ROBO2: variants seen among roughly 807,000 people sequenced by gnomAD.
ROBO2 encodes the protein roundabout homolog 2.
In ROBO2, 53 loss-of-function variants were observed where a neutral mutation model predicts 160.8. The ratio of observed to expected loss-of-function variants is 0.33; its 90% CI spans 0.26 to 0.41. The LOEUF (loss-of-function observed/expected upper bound fraction) is 0.41, where lower values mean the gene tolerates loss of function less well. Among genes scored for constraint, ROBO2 ranks in the 10% least tolerant of loss-of-function variants. The pLI, the probability that ROBO2 is intolerant of heterozygous loss-of-function variation, is 1.00. For synonymous variants in ROBO2, 664 were observed against 611.7 expected, an observed-to-expected ratio of 1.09 and a Z score of -1.26; for missense variants, 1,577 against 1,722.4, an observed-to-expected ratio of 0.92 and a Z score of 1.49.
chr3:76,098,073 ACTCT>A (rs1236455293), intron 2 of ROBO2, among the ~76,000 whole-genome samples: 1 of 151,996 alleles, frequency 6.6e-6, no homozygotes, highest in Non-Finnish European at 1.5e-5. Context: ...AGTGTGGTTC[ACTCT>A]CTCCATACAC....
At chr3:75,988,832 G>T (rs2065486810) in intron 2 of ROBO2, among the ~76,000 whole-genome samples, 1 of 151,710 alleles carries the variant, frequency 6.6e-6, no homozygotes, top group Admixed American at 6.6e-5. Flanking sequence ...TGTGGTTGCT[G>T]GAGAATATAT....
intron 14 of ROBO2, among the ~76,000 whole-genome samples, chr3:77,575,124 C>T (rs2093728669): frequency 6.6e-6 from 1 of 152,024 alleles, no homozygotes; most frequent in African/African-American, 2.4e-5. Context: ...CTTTTATTAG[C>T]CACTTTTTCC....
chr3:76,340,785 T>TA (rs1335748532), intron 2 of ROBO2, among the ~76,000 whole-genome samples: 1 of 152,062 alleles, frequency 6.6e-6, no homozygotes, highest in African/African-American at 2.4e-5. Context: ...TTTTTAGTTC[T>TA]AAAAAAATGC....
intron 2 of ROBO2, among the ~76,000 whole-genome samples, chr3:76,355,932 G>C (rs1026487743): frequency 6.6e-6 from 1 of 151,786 alleles, no homozygotes; most frequent in Non-Finnish European, 1.5e-5. Flanking sequence ...ACCCCTTACA[G>C]CAGCAGCCTG....
At chr3:76,347,403 T>A (rs1383589522) in intron 2 of ROBO2, among the ~76,000 whole-genome samples, 1 of 152,120 alleles carries the variant, frequency 6.6e-6, no homozygotes, top group Non-Finnish European at 1.5e-5. Context: ...TGTGATGATG[T>A]TAGTGTGTGT....
rs191953135 is a variant in ROBO2, at chr3:76,665,375, T to A, written c.110-432639T>A. Among the ~76,000 whole-genome samples the A allele has an allele frequency of 8.5e-5, 13 of 152,210 alleles. No individual in the cohort carries two copies. In the South Asian group the frequency reaches 2.7e-3, roughly 32 times the overall value. On this transcript the variant is annotated intron_variant, in intron 2 of 26. Transcript: ENST00000487694. ...AAATAAGTTAAATAACTTGCCCAAG[T>A]TTATATGGCCAGAAATTGAGTTAAT...
intron 2 of ROBO2, among the ~76,000 whole-genome samples, chr3:76,831,177 AT>A (rs2067062232): frequency 1.3e-5 from 2 of 152,140 alleles, no homozygotes; most frequent in Admixed American, 1.3e-4. Context: ...AACGTTGTAC[AT>A]CTAGAAGCAT....
intron 2 of ROBO2, among the ~76,000 whole-genome samples, chr3:76,179,355 T>G (rs930877004): frequency 6.6e-6 from 1 of 152,162 alleles, no homozygotes; most frequent in Non-Finnish European, 1.5e-5. Context: ...TTCTTTCCCA[T>G]GCCCACTGCA....
exon 26 of ROBO2, chr3:77,646,070 C>T (rs777289388): frequency 6.9e-6 from 11 of 1,589,402 alleles, no homozygotes; most frequent in African/African-American, 1.3e-5. Context: ...TGAGAGGAGA[C>T]ATACAAAGCT....
intron 2 of ROBO2, among the ~76,000 whole-genome samples, chr3:77,439,769 T>C (rs2079720293): frequency 6.6e-6 from 1 of 152,094 alleles, no homozygotes; most frequent in African/African-American, 2.4e-5. Flanking sequence ...TTCCTCTCAT[T>C]TTCCTTGCTT....
chr3:76,006,208 G>A (rs1029010012), intron 2 of ROBO2, among the ~76,000 whole-genome samples: 4 of 152,026 alleles, frequency 2.6e-5, no homozygotes, highest in African/African-American at 9.7e-5. Context: ...TTCATTTTCA[G>A]GGTAGAATAA....
At chr3:77,602,853 T>C (rs2094460277) in intron 20 of ROBO2, 2 of 467,032 alleles carry the variant, frequency 4.3e-6, no homozygotes, top group Admixed American at 2.3e-5. Context: ...TGCTTCTGAG[T>C]TGCTAACTGC....
At chr3:76,802,155 G>T (rs779358611) in intron 2 of ROBO2, among the ~76,000 whole-genome samples, 5 of 152,124 alleles carry the variant, frequency 3.3e-5, no homozygotes, top group Non-Finnish European at 7.3e-5. Context: ...TGACACAGAG[G>T]TACAAAGTGA....
At chr3:76,141,139 CTCTCTCTCTCTCTCTCTCTCTA>C (rs2071631765) in intron 2 of ROBO2, among the ~76,000 whole-genome samples, 1 of 60,700 alleles carries the variant, frequency 1.6e-5, no homozygotes, top group Non-Finnish European at 3.0e-5. Context: ...CTCTCTCTCT[CTCTCTCTCTCTCTCTCTCTCTA>C]TATATATATA....
chr3:76,425,750 C>T (rs994716839), intron 2 of ROBO2, among the ~76,000 whole-genome samples: 1 of 151,956 alleles, frequency 6.6e-6, no homozygotes, highest in East Asian at 1.9e-4. Flanking sequence ...GTGCCTATAA[C>T]CCCCGAGAAA....
At chr3:77,431,588 C>G (rs1304670759) in intron 2 of ROBO2, among the ~76,000 whole-genome samples, 1 of 152,100 alleles carries the variant, frequency 6.6e-6, no homozygotes, top group African/African-American at 2.4e-5. Context: ...CCTGAGCCCT[C>G]CCAAAGCAGA....
At chr3:76,556,418 A>G (rs1420539156) in intron 2 of ROBO2, among the ~76,000 whole-genome samples, 1 of 152,168 alleles carries the variant, frequency 6.6e-6, no homozygotes, top group Admixed American at 6.5e-5. Context: ...TGCTCTGCAT[A>G]AAGAGTGGAG....
intron 2 of ROBO2, among the ~76,000 whole-genome samples, chr3:77,335,184 A>T (rs984407967): frequency 6.6e-6 from 1 of 152,108 alleles, no homozygotes. Flanking sequence ...ACTTAGGGAG[A>T]TTCTTTGAGG....
intron 6 of ROBO2, chr3:77,538,933 G>A (rs2092317103): frequency 2.2e-6 from 1 of 454,880 alleles, no homozygotes; most frequent in Admixed American, 2.4e-5. Context: ...CTTCTTTTTA[G>A]AGACGGAGGC....
Sources: gnomAD v4.1 joint callset for allele counts (sites outside exome capture counted in the v4.1 genomes callset) on GRCh38, gnomAD v4.1.1 for gene constraint, MANE v1.5 for transcripts, NCBI Gene and HGNC (gene_info 2026-07-23, HGNC 2026-07-21) for gene names.